TEX15: variants seen among roughly 807,000 people sequenced by gnomAD.
The protein encoded by TEX15 is testis-expressed protein 15.
TEX15 carries 171 observed loss-of-function variants against 237.3 expected under a neutral mutation model. The observed-to-expected ratio is 0.72, with a 90% CI of 0.64 to 0.82. The LOEUF (loss-of-function observed/expected upper bound fraction) is 0.82. Ranked by LOEUF, TEX15 falls within the 40% of genes least tolerant of loss-of-function variation. TEX15 has a pLI of 0.00. For missense variants in TEX15, 3,750 were observed against 3,646.5 expected (o/e 1.03, Z -0.73); for synonymous variants, 1,338 against 1,269.8 (o/e 1.05, Z -1.14).
At position 30,846,042 on chromosome 8, in the gene TEX15, A is replaced by G; in HGVS notation, c.4125T>C (p.Cys1375=). 6.2e-7 allele frequency: 1 copy of G among 1,613,354 alleles called. No homozygotes were observed. The highest frequency in any genetic ancestry group is 1.7e-4 in the Middle Eastern group (1 of 6,058). ...SDEASLCKSK[C]LSRKLDKAVV... ...CTGCTTTGTCTAGTTTTCTGGAAAG[A>G]CATTTGCTTTTACATAAAGATGCTT... Residue 1375 remains cysteine, a synonymous_variant, in exon 8 of 11, where the codon TGT becomes TGC. Coordinates refer to ENST00000643185, the MANE Select transcript of TEX15 (RefSeq NM_001350162.2).
chr8:30,877,154 A>G (rs1808416797), intron 3 of TEX15, among the ~76,000 whole-genome samples: 1 of 152,210 alleles, frequency 6.6e-6, no homozygotes, highest in Non-Finnish European at 1.5e-5. Flanking sequence ...GAGCTGAAAC[A>G]ACAAGGCAGG....
chr8:30,912,641 T>G (rs1305430947), intron 1 of TEX15, among the ~76,000 whole-genome samples: 3 of 152,122 alleles, frequency 2.0e-5, no homozygotes, highest in African/African-American at 7.2e-5. Flanking sequence ...ACCTGTAGAG[T>G]CGGCTGCCCT....
At chr8:30,884,802 TA>T (rs370183779) in intron 3 of TEX15, among the ~76,000 whole-genome samples, 9 of 152,208 alleles carry the variant, frequency 5.9e-5, no homozygotes, top group Non-Finnish European at 1.2e-4. Context: ...GATTTTTTTC[TA>T]TTAATTTCCT....
intron 2 of TEX15, among the ~76,000 whole-genome samples, chr8:30,889,438 T>C (rs1808736115): frequency 6.6e-6 from 1 of 152,078 alleles, no homozygotes; most frequent in Non-Finnish European, 1.5e-5. Context: ...GGAAACAGTA[T>C]GAGACTCCGG....
At chr8:30,900,730 A>G (rs1215689247) in intron 1 of TEX15, among the ~76,000 whole-genome samples, 3 of 152,238 alleles carry the variant, frequency 2.0e-5, no homozygotes, top group Non-Finnish European at 4.4e-5. Context: ...GTGGCATACA[A>G]AATCCCTGCA....
At chr8:30,897,254 A>G (rs1314812014) in intron 2 of TEX15, among the ~76,000 whole-genome samples, 2 of 152,034 alleles carry the variant, frequency 1.3e-5, no homozygotes, top group African/African-American at 2.4e-5. Context: ...TAAACTGTAA[A>G]ATATTTTGCC....
intron 3 of TEX15, among the ~76,000 whole-genome samples, chr8:30,882,341 T>C (rs1808547356): frequency 6.6e-6 from 1 of 152,116 alleles, no homozygotes; most frequent in Admixed American, 6.5e-5. Context: ...GGCTGGAGTG[T>C]AGTGGCGCAA....
chr8:30,884,027 T>A (rs1808594475), intron 3 of TEX15, among the ~76,000 whole-genome samples: 2 of 152,198 alleles, frequency 1.3e-5, no homozygotes, highest in Non-Finnish European at 2.9e-5. Context: ...CTAGGACTAC[T>A]GTACCACACA....
intron 1 of TEX15, among the ~76,000 whole-genome samples, chr8:30,903,554 T>C (rs1011807833): frequency 1.3e-5 from 2 of 152,206 alleles, no homozygotes; most frequent in African/African-American, 4.8e-5. Context: ...AAAAAGGACA[T>C]ATTCTGACTG....
At chr8:30,878,101 T>TTTA (rs1808438499) in intron 3 of TEX15, among the ~76,000 whole-genome samples, 1 of 150,896 alleles carries the variant, frequency 6.6e-6, no homozygotes. Flanking sequence ...GATTGCTTTT[T>TTTA]TTTTTTTTTT....
chr8:30,899,324 A>T (rs1808964139), intron 1 of TEX15, among the ~76,000 whole-genome samples: 1 of 152,204 alleles, frequency 6.6e-6, no homozygotes, highest in Non-Finnish European at 1.5e-5. Flanking sequence ...AGATGAGAAC[A>T]ACAGACTCAG....
At chr8:30,891,366 G>C (rs868749912) in intron 2 of TEX15, among the ~76,000 whole-genome samples, 4 of 152,044 alleles carry the variant, frequency 2.6e-5, no homozygotes, top group South Asian at 2.1e-4. Flanking sequence ...GAGTGTATGG[G>C]AGTTCCAGTT....
intron 5 of TEX15, 143 bp from the exon 6 acceptor site, chr8:30,860,200 A>T (rs373040745): frequency 1.6e-6 from 1 of 644,622 alleles, no homozygotes; most frequent in Non-Finnish European, 2.3e-6. Context: ...CTGGAGTTGC[A>T]GGCTCGACCT....
rs749799558 is a variant in TEX15 at position 30,842,947 on chromosome 8, A to G, written c.7220T>C (p.Met2407Thr). ...HLEILKKYFQ[M>T]LQDNNMDNIF... ...ATTATCCATGTTATTATCTTGTAGCATCTGAAAGTATTTTTTTAAAATTTC... is the reference window on the plus strand; with the variant it reads ...ATTATCCATGTTATTATCTTGTAGCGTCTGAAAGTATTTTTTTAAAATTTC... The change falls in exon 8 of 11, where the codon ATG becomes ACG. Residue 2407 changes from methionine (M) to threonine (T), a missense_variant. By Grantham distance (81) the Met-to-Thr change is moderately conservative. Transcript: ENST00000643185. 12 of 1,610,622 alleles carry G rather than the reference A, an allele frequency of 7.5e-6. No individual in the cohort carries two copies. In the East Asian group the frequency reaches 2.7e-4, roughly 36 times the overall value.
intron 4 of TEX15, among the ~76,000 whole-genome samples, chr8:30,870,642 G>A (rs1366623670): frequency 6.6e-6 from 1 of 151,866 alleles, no homozygotes; most frequent in Non-Finnish European, 1.5e-5. Flanking sequence ...CTAGTGATAA[G>A]AACTCAGTAT....
In TEX15 at chr8:30,846,834, C is replaced by A; in HGVS notation, c.3333G>T (p.Gly1111=). 1 of 1,613,916 alleles carries A rather than the reference C, an allele frequency of 6.2e-7. No homozygotes were observed. Among genetic ancestry groups the A allele is most frequent in the Non-Finnish European group, 8.5e-7 (1 of 1,179,842 alleles). The change falls in exon 8 of 11, where the codon GGG becomes GGT. Residue 1111 remains glycine (G), a synonymous_variant. Coordinates refer to ENST00000643185, the MANE Select transcript of TEX15 (RefSeq NM_001350162.2). The stretch of plus-strand genomic sequence containing the variant: ...TGGTGCTTTCCAAAACTTCCATCTC[C>A]CCGTTATCAAGTGCTAACAGACCTT... ...SWEGLLALDN[G]EMEVLESTTG...
At chr8:30,836,013 G>C (rs900694350) in intron 10 of TEX15, among the ~76,000 whole-genome samples, 3 of 151,932 alleles carry the variant, frequency 2.0e-5, no homozygotes. Context: ...AGATAATCTA[G>C]AAAATGCAAG....
intron 7 of TEX15, among the ~76,000 whole-genome samples, chr8:30,857,558 A>G (rs1285866405): frequency 2.0e-5 from 3 of 152,200 alleles, no homozygotes; most frequent in Non-Finnish European, 4.4e-5. Flanking sequence ...AATTCCTACA[A>G]ATCAGTAATG....
Position 30,842,841 on chromosome 8 carries a change from A to T in TEX15, c.7326T>A (p.Ile2442=). 6.2e-7 allele frequency: 1 copy of T among 1,612,828 alleles called. No homozygotes were observed. Among genetic ancestry groups the T allele is most frequent in the Non-Finnish European group, 8.5e-7 (1 of 1,179,240 alleles). The change falls in exon 8 of 11, where the codon ATT becomes ATA. Residue 2442 remains isoleucine, a synonymous_variant. Transcript: ENST00000643185. ...HEAIILKPEA[I]EMYIEIVMVS... is the part of the protein sequence containing the mutation. Reference sequence around the variant, plus strand: ...CCATGACGATTTCAATATACATTTCAATAGCTTCAGGCTTTAAAATGATAG... The same window carrying T: ...CCATGACGATTTCAATATACATTTCTATAGCTTCAGGCTTTAAAATGATAG...
Sources: allele counts gnomAD v4.1 joint callset (sites outside exome capture counted in the v4.1 genomes callset), GRCh38; gene constraint gnomAD v4.1.1; transcripts MANE v1.5; gene names NCBI Gene and HGNC (gene_info 2026-07-23, HGNC 2026-07-21).